The following IGF2R variants were observed in gnomAD, a reference collection of about 807,000 sequenced individuals.
The protein encoded by IGF2R is cation-independent mannose-6-phosphate receptor.
Under a neutral mutation model 270.6 loss-of-function variants are expected in IGF2R, and 91 were observed. The ratio of observed to expected loss-of-function variants is 0.34; its 90% CI spans 0.28 to 0.40. IGF2R has a LOEUF of 0.40. Ranked by LOEUF, IGF2R falls within the 10% of genes least tolerant of loss-of-function variation. IGF2R has a pLI of 1.00. For synonymous variants in IGF2R, 1,316 were observed against 1,258.9 expected (o/e 1.05, Z -0.96); for missense variants, 2,805 against 3,188.3 (o/e 0.88, Z 2.90).
chr6:160,100,149 C>A (rs1207954547), intron 45 of IGF2R, among the ~76,000 whole-genome samples: 2 of 151,964 alleles, frequency 1.3e-5, no homozygotes, highest in East Asian at 3.9e-4. Context: ...AGAAATAAAT[C>A]TAAATATATC....
At chr6:160,097,598 G>A (rs1309547580) in intron 45 of IGF2R, among the ~76,000 whole-genome samples, 6 of 152,186 alleles carry the variant, frequency 3.9e-5, no homozygotes, top group Non-Finnish European at 7.3e-5. Context: ...CCAAAGTGCT[G>A]GCATTACAAG....
chr6:160,029,750 A>G, intron 7 of IGF2R, 95 bp downstream of exon 7: 1 of 800,578 alleles, frequency 1.2e-6, no homozygotes, highest in Non-Finnish European at 2.1e-6. Flanking sequence ...GTGGGCCTGG[A>G]TGCAGGAAGC....
rs1201040129 is a variant in IGF2R at position 160,088,070 on chromosome 6, G to A, written c.6243G>A (p.Pro2081=). The A allele has an allele frequency of 6.8e-6, 11 of 1,613,742 alleles. No individual in the cohort carries two copies. The highest frequency in any genetic ancestry group is 3.3e-5 in the Admixed American group (2 of 60,034). ...TTGTCACGTACTCCAAAGGTTATCC[G>A]TGTGGTGGAAATAAGACCGCATCCT... ...KVVVTYSKGY[P]CGGNKTASSV... The change falls in exon 42 of 48, where the codon CCG becomes CCA. Residue 2081 remains proline, a synonymous_variant. Coordinates refer to ENST00000356956, the MANE Select transcript of IGF2R (RefSeq NM_000876.4).
rs8191945 is a variant in IGF2R, at chr6:160,102,379, T to G, written c.6843-140T>G. ...CCATGTGGAGTGGGACTTGTGGCCTTGTTTTCTGGGCAGGAGTAAGAATCA... is the reference window on the plus strand; with the variant it reads ...CCATGTGGAGTGGGACTTGTGGCCTGGTTTTCTGGGCAGGAGTAAGAATCA... On this transcript the variant is annotated intron_variant, in intron 45 of 47. Coordinates refer to ENST00000356956, the MANE Select transcript of IGF2R (RefSeq NM_000876.4). The surrounding 1 kb of genome is among the most constrained non-coding windows in gnomAD (Gnocchi z 4.5). 4.9e-4 allele frequency: 467 copies of G among 944,984 alleles called. 1 individual carries two copies. In the African/African-American group the frequency reaches 6.9e-3, roughly 14 times the overall value. The allele number at this position is 944,984 out of a possible 1,614,324, so 58.5% of individuals were successfully genotyped here. A position where few individuals can be genotyped will look rare whatever the true frequency, so the allele number is the denominator to read the frequency against.
chr6:160,047,270 A>T lies in IGF2R; in HGVS notation c.2163A>T (p.Thr721=), dbSNP rs758811375. 1 of 1,613,302 alleles carries T rather than the reference A, an allele frequency of 6.2e-7. No homozygotes were observed. The highest frequency in any genetic ancestry group is 1.1e-5 in the South Asian group (1 of 91,064). Reference sequence around the variant, plus strand: ...CACCCTATAACAATGAAAGACACACACCGAGAGCTACGCTCATCACCTTTC... The same window carrying T: ...CACCCTATAACAATGAAAGACACACTCCGAGAGCTACGCTCATCACCTTTC... ...GGTPYNNERH[T]PRATLITFLC... is the part of the protein sequence containing the mutation. The change falls in exon 16 of 48, where the codon ACA becomes ACT. Residue 721 remains threonine, a synonymous_variant. Transcript: ENST00000356956.
chr6:160,027,572 GC>G (rs1777589571), intron 6 of IGF2R, among the ~76,000 whole-genome samples: 1 of 152,188 alleles, frequency 6.6e-6, no homozygotes, highest in Non-Finnish European at 1.5e-5. Flanking sequence ...ACCTGTATTT[GC>G]CTCATGAAAT....
intron 45 of IGF2R, among the ~76,000 whole-genome samples, chr6:160,097,545 G>C (rs756659236): frequency 2.0e-5 from 3 of 152,172 alleles, no homozygotes; most frequent in Admixed American, 6.5e-5. Flanking sequence ...GACCAGGCTG[G>C]TCTTGAACTC....
At chr6:160,076,857 G>A (rs918850589) in intron 36 of IGF2R, among the ~76,000 whole-genome samples, 2 of 152,176 alleles carry the variant, frequency 1.3e-5, no homozygotes, top group Non-Finnish European at 2.9e-5. Flanking sequence ...TGTGAGAATT[G>A]CCTCTTAAAA....
In IGF2R at chr6:160,106,024, T is replaced by G. The variant is rs1779610904; in HGVS notation, c.*940T>G. 6.6e-6 allele frequency: 1 copy of G among 152,388 alleles called. No homozygotes were observed. The highest frequency in any genetic ancestry group is 1.5e-5 in the Non-Finnish European group (1 of 68,034). 9.4% of individuals were successfully genotyped at this position (152,388 alleles called of 1,614,324 possible). On this transcript the variant is annotated 3_prime_UTR_variant, in exon 48 of 48. Transcript: ENST00000356956. ...CTCTTCAGGTTCTCATGATACCACC[T>G]TTACTGTGCTTATTTTTTTAAGAAA... is the stretch of plus-strand genomic sequence containing the variant.
chr6:159,987,228 CT>C (rs2115179810), intron 1 of IGF2R, among the ~76,000 whole-genome samples: 1 of 152,230 alleles, frequency 6.6e-6, no homozygotes, highest in South Asian at 2.1e-4. Flanking sequence ...ATGAAATAGT[CT>C]TTAAAAAATA....
rs915055599 is a variant in IGF2R, at chr6:160,108,447, A to T, written c.*3363A>T. The stretch of plus-strand genomic sequence containing the variant: ...CAGTTGAGAGCTGTAGGAGGGCCAG[A>T]TTGGGCTTTTGAGCAAGATAGTCTA... On this transcript the variant is annotated 3_prime_UTR_variant, in exon 48 of 48. Transcript: ENST00000356956. 6.6e-6 allele frequency: 1 copy of T among 152,264 alleles called. No individual in the cohort carries two copies. The highest frequency in any genetic ancestry group is 1.5e-5 in the Non-Finnish European group (1 of 68,100). 9.4% of individuals were successfully genotyped at this position (152,264 alleles called of 1,614,324 possible). A position where few individuals can be genotyped will look rare whatever the true frequency, so the allele number is the denominator to read the frequency against.
chr6:160,034,554 T>A, intron 10 of IGF2R, 32 bp downstream of exon 10: 1 of 1,355,216 alleles, frequency 7.4e-7, no homozygotes, highest in Admixed American at 1.7e-5. Flanking sequence ...GCCCCTCCTC[T>A]TTGCATTCAT....
chr6:160,059,414 T>C (rs1180352253), intron 22 of IGF2R, among the ~76,000 whole-genome samples: 1 of 152,250 alleles, frequency 6.6e-6, no homozygotes, highest in African/African-American at 2.4e-5. Flanking sequence ...GTTTTATTGT[T>C]GATCTCTTGC....
intron 44 of IGF2R, among the ~76,000 whole-genome samples, chr6:160,090,930 GC>G (rs1779208991): frequency 6.7e-6 from 1 of 148,906 alleles, no homozygotes; most frequent in African/African-American, 2.5e-5. Context: ...GGTGCTCCGT[GC>G]CCTGGTGCTG....
At chr6:160,024,103 A>T (rs994237082) in intron 4 of IGF2R, among the ~76,000 whole-genome samples, 1 of 152,164 alleles carries the variant, frequency 6.6e-6, no homozygotes, top group Non-Finnish European at 1.5e-5. Context: ...TGAGCTGGTA[A>T]GCGGGGTTTT....
chr6:160,026,770 A>G (rs533813316), intron 5 of IGF2R, among the ~76,000 whole-genome samples: 2 of 152,304 alleles, frequency 1.3e-5, no homozygotes, highest in Middle Eastern at 3.4e-3. Context: ...CGTTATCGAC[A>G]TAGTAAGTGG....
chr6:160,064,349 G>A (rs1778508558), intron 27 of IGF2R, 52 bp from the exon 28 acceptor site: 1 of 1,611,482 alleles, frequency 6.2e-7, no homozygotes, highest in East Asian at 2.2e-5. Context: ...GGCTAAGTTT[G>A]ACAGCCTAGG....
rs199590661 is a variant in IGF2R, at chr6:160,060,669, G to A, written c.3214G>A (p.Glu1072Lys). Residue 1072 changes from glutamate to lysine, a missense_variant, in exon 23 of 48, where the codon GAA becomes AAA. This residue lies in a region of IGF2R where 1,851 missense variants were observed against 2,207.2 expected (regional missense o/e 0.84). Transcript: ENST00000356956. Reference sequence around the variant, plus strand: ...GATCCGAAACACTTACTTTGAGTTTGAAACCGCGTTGGCCTGTGTTCCTTC... The same window carrying A: ...GATCCGAAACACTTACTTTGAGTTTAAAACCGCGTTGGCCTGTGTTCCTTC... ...QGIRNTYFEF[E>K]TALACVPSPV... The A allele has an allele frequency of 1.7e-5, 27 of 1,614,154 alleles. No homozygotes were observed. The highest frequency in any genetic ancestry group is 2.3e-5 in the Non-Finnish European group (27 of 1,180,060).
chr6:160,061,822 C>G lies in IGF2R; in HGVS notation c.3476C>G (p.Pro1159Arg). 1 of 1,614,110 alleles carries G rather than the reference C, an allele frequency of 6.2e-7. No homozygotes were observed. The highest frequency in any genetic ancestry group is 8.5e-7 in the Non-Finnish European group (1 of 1,180,038). ...AATCTGGGTGTGGTGCAGATGAGTC[C>G]CCAAGCCGCGGCGAATGGATCTTTG... is the stretch of plus-strand genomic sequence containing the variant. ...SWNLGVVQMS[P>R]QAAANGSLSI... The change falls in exon 25 of 48, where the codon CCC (proline) becomes CGC (arginine). Residue 1159 changes from proline to arginine, a missense_variant. Coordinates refer to ENST00000356956, the MANE Select transcript of IGF2R (RefSeq NM_000876.4).
Sources: allele counts gnomAD v4.1 joint callset (sites outside exome capture counted in the v4.1 genomes callset), GRCh38; gene constraint gnomAD v4.1.1; regional missense constraint gnomAD v4.1.1; non-coding constraint Gnocchi (gnomAD v3.1); transcripts MANE v1.5; gene names NCBI Gene and HGNC (gene_info 2026-07-23, HGNC 2026-07-21).